CADM2: variants seen among roughly 807,000 people sequenced by gnomAD.
The protein encoded by CADM2 is cell adhesion molecule 2, also known as immunoglobulin superfamily member 4D.
Under a neutral mutation model 49.8 loss-of-function variants are expected in CADM2, and 12 were observed. The ratio of observed to expected loss-of-function variants is 0.24; its 90% CI spans 0.15 to 0.39. The LOEUF is 0.39. CADM2 is among the 10% of genes least tolerant of loss of function. The pLI is 1.00. For missense variants in CADM2, 378 were observed against 492.3 expected (o/e 0.77, Z 2.20); for synonymous variants, 214 against 175.4 (o/e 1.22, Z -1.74).
chr3:84,976,353 G>T (rs1309294632), intron 1 of CADM2, among the ~76,000 whole-genome samples: 1 of 151,474 alleles, frequency 6.6e-6, no homozygotes, highest in Non-Finnish European at 1.5e-5. Context: ...ATTATAGAAA[G>T]TTAAATAAGA....
At chr3:85,634,995 G>T (rs1211500577) in intron 1 of CADM2, among the ~76,000 whole-genome samples, 1 of 151,996 alleles carries the variant, frequency 6.6e-6, no homozygotes. Context: ...CAGTTCCTAT[G>T]TGATGGGAGT....
intron 1 of CADM2, among the ~76,000 whole-genome samples, chr3:85,134,656 A>G (rs2039360863): frequency 6.6e-6 from 1 of 152,166 alleles, no homozygotes; most frequent in South Asian, 2.1e-4. Context: ...CTTTTACTTG[A>G]TAAGATTGTG....
intron 1 of CADM2, among the ~76,000 whole-genome samples, chr3:85,333,714 C>G (rs1014191879): frequency 6.6e-6 from 1 of 151,758 alleles, no homozygotes; most frequent in African/African-American, 2.4e-5. Flanking sequence ...ATTAGAAGCT[C>G]AAATTCAAGC....
At chr3:85,247,723 ATGTT>A (rs1224184006) in intron 1 of CADM2, among the ~76,000 whole-genome samples, 1 of 152,066 alleles carries the variant, frequency 6.6e-6, no homozygotes, top group Non-Finnish European at 1.5e-5. Flanking sequence ...CGTTTCTAGA[ATGTT>A]TGCTGATGCT....
intron 3 of CADM2, among the ~76,000 whole-genome samples, chr3:85,821,085 C>G (rs2073530905): frequency 6.6e-6 from 1 of 152,082 alleles, no homozygotes; most frequent in Non-Finnish European, 1.5e-5. Flanking sequence ...CCTTATTATA[C>G]AAATCCAGAA....
At chr3:85,928,158 A>ATTT (rs11328574) in intron 6 of CADM2, among the ~76,000 whole-genome samples, 8 of 130,638 alleles carry the variant, frequency 6.1e-5, no homozygotes, top group Non-Finnish European at 9.8e-5. Context: ...TAAAAGAAGA[A>ATTT]TTTTTTTTTT....
chr3:85,117,080 G>A (rs2038665183), intron 1 of CADM2, among the ~76,000 whole-genome samples: 1 of 152,024 alleles, frequency 6.6e-6, no homozygotes, highest in South Asian at 2.1e-4. Flanking sequence ...AATTAGCCAG[G>A]TATGGTGGCA....
At chr3:85,568,291 C>T (rs1389915950) in intron 1 of CADM2, among the ~76,000 whole-genome samples, 1 of 152,092 alleles carries the variant, frequency 6.6e-6, no homozygotes, top group East Asian at 1.9e-4. Context: ...AGAAATCTTA[C>T]ACAGTTTAGA....
At chr3:85,877,684 GTTTT>G (rs368101272) in intron 3 of CADM2, among the ~76,000 whole-genome samples, 1 of 112,026 alleles carries the variant, frequency 8.9e-6, no homozygotes, top group Non-Finnish European at 1.8e-5. Flanking sequence ...TTTTTCTTCT[GTTTT>G]TTTTTTTTTT....
intron 2 of CADM2, among the ~76,000 whole-genome samples, chr3:85,767,653 T>A (rs982782590): frequency 6.6e-6 from 1 of 152,150 alleles, no homozygotes; most frequent in African/African-American, 2.4e-5. Context: ...CTTCTGGCAC[T>A]TCCACATCCC....
chr3:85,539,707 G>A (rs1247296418), intron 1 of CADM2, among the ~76,000 whole-genome samples: 1 of 152,010 alleles, frequency 6.6e-6, no homozygotes, highest in African/African-American at 2.4e-5. Context: ...AAATGCAATG[G>A]ATTGGGTAAG....
chr3:85,361,247 A>T (rs530074640), intron 1 of CADM2, among the ~76,000 whole-genome samples: 1 of 152,308 alleles, frequency 6.6e-6, no homozygotes, highest in African/African-American at 2.4e-5. Flanking sequence ...CAGCAGCGAG[A>T]GAGGAACTTT....
At chr3:85,753,158 A>G (rs2068942687) in intron 2 of CADM2, among the ~76,000 whole-genome samples, 2 of 152,206 alleles carry the variant, frequency 1.3e-5, no homozygotes, top group African/African-American at 4.8e-5. Context: ...TGCTGTAGAC[A>G]GCAGATGTAT....
At chr3:85,935,397 C>T (rs1721084856) in intron 6 of CADM2, among the ~76,000 whole-genome samples, 1 of 152,128 alleles carries the variant, frequency 6.6e-6, no homozygotes, top group African/African-American at 2.4e-5. Context: ...TATTCAGATG[C>T]ACATAAATGC....
At chr3:85,671,420 T>G (rs2065731569) in intron 1 of CADM2, among the ~76,000 whole-genome samples, 2 of 152,296 alleles carry the variant, frequency 1.3e-5, no homozygotes, top group South Asian at 4.1e-4. Flanking sequence ...GTATATTAAT[T>G]TAATTATTAC....
At chr3:85,476,732 T>C (rs2038990477) in intron 1 of CADM2, among the ~76,000 whole-genome samples, 1 of 151,910 alleles carries the variant, frequency 6.6e-6, no homozygotes, top group Non-Finnish European at 1.5e-5. Context: ...TGCAAAATAC[T>C]TTAGATCCAC....
At chr3:85,478,081 T>C (rs1377112036) in intron 1 of CADM2, among the ~76,000 whole-genome samples, 1 of 151,940 alleles carries the variant, frequency 6.6e-6, no homozygotes, top group Non-Finnish European at 1.5e-5. Flanking sequence ...CTCTTCAAAG[T>C]ACTTTTAGTT....
At chr3:85,072,141 T>G (rs996744983) in intron 1 of CADM2, among the ~76,000 whole-genome samples, 1 of 151,848 alleles carries the variant, frequency 6.6e-6, no homozygotes, top group Non-Finnish European at 1.5e-5. Flanking sequence ...TTAATAATTA[T>G]TATGAATAAA....
chr3:85,874,634 C>T (rs1711562105), intron 3 of CADM2, among the ~76,000 whole-genome samples: 3 of 152,044 alleles, frequency 2.0e-5, no homozygotes, highest in African/African-American at 7.2e-5. Context: ...AATACCATAT[C>T]ATTTTCTTGT....
Sources: allele counts gnomAD v4.1 joint callset (sites outside exome capture counted in the v4.1 genomes callset), GRCh38; gene constraint gnomAD v4.1.1; transcripts MANE v1.5; gene names NCBI Gene and HGNC (gene_info 2026-07-23, HGNC 2026-07-21).